Variants in PKNOX2 observed in about 807,000 individuals in gnomAD.
The protein encoded by PKNOX2 is PBX/knotted 1 homeobox 2, also known as homeobox protein PKNOX2.
PKNOX2 carries 14 observed loss-of-function variants against 53.1 expected under a neutral mutation model. The ratio of observed to expected loss-of-function variants is 0.26; its 90% CI spans 0.17 to 0.41. PKNOX2 has a LOEUF of 0.41. Among genes scored for constraint, PKNOX2 ranks in the 10% least tolerant of loss-of-function variants. The pLI is 1.00. For missense variants in PKNOX2, 496 were observed against 602.8 expected, an observed-to-expected ratio of 0.82 and a Z score of 1.85; for synonymous variants, 257 against 242.8, an observed-to-expected ratio of 1.06 and a Z score of -0.54.
chr11:125,395,001 T>G (rs1954297031), intron 6 of PKNOX2, among the ~76,000 whole-genome samples: 1 of 152,136 alleles, frequency 6.6e-6, no homozygotes, highest in African/African-American at 2.4e-5. Flanking sequence ...ATTAGTTCTG[T>G]GCAATTTTAT....
intron 2 of PKNOX2, among the ~76,000 whole-genome samples, chr11:125,250,865 T>A (rs1304837021): frequency 1.3e-5 from 2 of 152,226 alleles, no homozygotes; most frequent in Non-Finnish European, 2.9e-5. Flanking sequence ...TCCCCACAGC[T>A]GCACAACTGG....
chr11:125,252,867 T>C (rs1356326148), intron 2 of PKNOX2, among the ~76,000 whole-genome samples: 1 of 152,152 alleles, frequency 6.6e-6, no homozygotes, highest in Non-Finnish European at 1.5e-5. Flanking sequence ...GACAGCTGCA[T>C]CTGTCGAGTT....
Position 125,201,729 on chromosome 11 carries a change from T to C in PKNOX2, c.-200-33316T>C, listed in dbSNP as rs551658763. On this transcript the variant is annotated intron_variant, in intron 1 of 12. Coordinates refer to ENST00000298282, the MANE Select transcript of PKNOX2 (RefSeq NM_001382323.2). The stretch of plus-strand genomic sequence containing the variant: ...CCCCCTCCCTCTCTCCTGTTATTAA[T>C]GGCCATGTGGATCAAATTCCTCAGC... 9.8e-5 allele frequency among the ~76,000 whole-genome samples: 15 copies of C among 152,328 alleles called. No homozygotes were observed. In the South Asian group the frequency reaches 3.1e-3, roughly 32 times the overall value.
chr11:125,256,435 G>A (rs1373636900), intron 2 of PKNOX2, among the ~76,000 whole-genome samples: 1 of 152,174 alleles, frequency 6.6e-6, no homozygotes, highest in African/African-American at 2.4e-5. Flanking sequence ...CCCTGGGCAG[G>A]CACCTCAGGT....
In PKNOX2 at chr11:125,386,934, G is replaced by A. The variant is rs1180858406; in HGVS notation, c.399+1212G>A. On this transcript the variant is annotated intron_variant, in intron 6 of 12. Coordinates refer to ENST00000298282, the MANE Select transcript of PKNOX2 (RefSeq NM_001382323.2). ...TGGGTGGAGTGTTTGAAGAGCAGAG[G>A]AGGCCCTGCCAGAGGATAAGGGCTC... Among the ~76,000 whole-genome samples, 3 of 152,286 alleles carry A rather than the reference G, an allele frequency of 2.0e-5. No homozygotes were observed. In the East Asian group the frequency reaches 5.8e-4, roughly 29 times the overall value.
intron 7 of PKNOX2, among the ~76,000 whole-genome samples, 168 bp downstream of exon 7, chr11:125,398,230 T>C (rs1433900543): frequency 6.6e-6 from 1 of 152,176 alleles, no homozygotes; most frequent in Non-Finnish European, 1.5e-5. Flanking sequence ...CATTAGGCCA[T>C]CCCATCCCTT....
At chr11:125,271,027 AG>A (rs1945754949) in intron 2 of PKNOX2, among the ~76,000 whole-genome samples, 1 of 152,216 alleles carries the variant, frequency 6.6e-6, no homozygotes, top group Admixed American at 6.5e-5. Context: ...GAAGTTCTGC[AG>A]GACTAACCCC....
chr11:125,267,052 C>T (rs531081635), intron 2 of PKNOX2, among the ~76,000 whole-genome samples: 1 of 152,314 alleles, frequency 6.6e-6, no homozygotes, highest in African/African-American at 2.4e-5. Context: ...GGGTTTTGTC[C>T]TTGCTATCAT....
intron 2 of PKNOX2, among the ~76,000 whole-genome samples, chr11:125,314,853 C>T (rs938302396): frequency 1.2e-4 from 18 of 152,280 alleles, no homozygotes; most frequent in Admixed American, 1.2e-3. Context: ...GAGCAGCAGC[C>T]TCCTTAAGGG....
intron 7 of PKNOX2, among the ~76,000 whole-genome samples, chr11:125,409,054 C>A (rs532573381): frequency 6.6e-6 from 1 of 152,152 alleles, no homozygotes; most frequent in Non-Finnish European, 1.5e-5. Context: ...GTTCAAGCCC[C>A]GTCTTCAGAT....
chr11:125,299,169 C>T (rs1947862244), intron 2 of PKNOX2, among the ~76,000 whole-genome samples: 1 of 152,114 alleles, frequency 6.6e-6, no homozygotes, highest in Non-Finnish European at 1.5e-5. Context: ...ACACAAGCAG[C>T]TCTTGAGTGA....
At chr11:125,393,078 G>T (rs1002881087) in intron 6 of PKNOX2, among the ~76,000 whole-genome samples, 1 of 151,032 alleles carries the variant, frequency 6.6e-6, no homozygotes, top group Non-Finnish European at 1.5e-5. Context: ...GGAGAATGGC[G>T]TGAACCAGGA....
intron 2 of PKNOX2, among the ~76,000 whole-genome samples, chr11:125,259,518 GC>G (rs1359626807): frequency 6.6e-5 from 10 of 152,166 alleles, no homozygotes; most frequent in African/African-American, 1.2e-4. Context: ...TTGTACCCTG[GC>G]CCCCCTGCAT....
chr11:125,228,175 C>T (rs909287066), intron 1 of PKNOX2, among the ~76,000 whole-genome samples: 3 of 152,218 alleles, frequency 2.0e-5, no homozygotes, highest in Non-Finnish European at 4.4e-5. Context: ...ATGACAGAAA[C>T]GTGCTCCATC....
rs1016259409 is a variant in PKNOX2, at chr11:125,352,215, G to A, written c.87+823G>A. Among the ~76,000 whole-genome samples, 1 of 152,100 alleles carries A rather than the reference G, an allele frequency of 6.6e-6. No homozygotes were observed. The highest frequency in any genetic ancestry group is 2.4e-5 in the African/African-American group (1 of 41,398). Reference sequence around the variant, plus strand: ...TGGTTCTTTGGAAACTTCGAGTTTTGTGTCTGTGCTTTCACAGAAGCCTTC... The same window carrying A: ...TGGTTCTTTGGAAACTTCGAGTTTTATGTCTGTGCTTTCACAGAAGCCTTC... On this transcript the variant is annotated intron_variant, in intron 4 of 12. Transcript: ENST00000298282. This position sits in a 1 kb window ranked among gnomAD's most constrained non-coding sequence, Gnocchi z 4.1.
At chr11:125,386,824 C>T (rs986803468) in intron 6 of PKNOX2, among the ~76,000 whole-genome samples, 2 of 151,988 alleles carry the variant, frequency 1.3e-5, no homozygotes, top group African/African-American at 4.8e-5. Flanking sequence ...CCGCTTCTCT[C>T]AAGAGCTGAA....
intron 1 of PKNOX2, among the ~76,000 whole-genome samples, chr11:125,179,539 G>T (rs1379072566): frequency 6.6e-6 from 1 of 152,212 alleles, no homozygotes; most frequent in Non-Finnish European, 1.5e-5. Flanking sequence ...GAAGGGCTGT[G>T]CCTGCAAGAG....
At chr11:125,218,318 TG>T (rs1021333896) in intron 1 of PKNOX2, among the ~76,000 whole-genome samples, 2 of 140,450 alleles carry the variant, frequency 1.4e-5, no homozygotes, top group African/African-American at 5.4e-5. Context: ...GGGAAGTGAG[TG>T]GGGTGGGGGC....
At chr11:125,328,675 A>G (rs977492061) in intron 2 of PKNOX2, among the ~76,000 whole-genome samples, 12 of 152,306 alleles carry the variant, frequency 7.9e-5, no homozygotes, top group Non-Finnish European at 1.8e-4. Flanking sequence ...CGGGAGTGCA[A>G]CATTAATTTA....
Sources: allele counts gnomAD v4.1 joint callset (sites outside exome capture counted in the v4.1 genomes callset), GRCh38; gene constraint gnomAD v4.1.1; non-coding constraint Gnocchi (gnomAD v3.1); transcripts MANE v1.5; gene names NCBI Gene and HGNC (gene_info 2026-07-23, HGNC 2026-07-21).